TNFRSF11A: variants seen among roughly 807,000 people sequenced by gnomAD.
TNFRSF11A encodes TNF receptor superfamily member 11a.
A neutral mutation model predicts 55.7 loss-of-function variants in TNFRSF11A; 32 were observed. The observed-to-expected ratio is 0.57, with a 90% CI of 0.43 to 0.77. The LOEUF is 0.77. Ranked by LOEUF, TNFRSF11A falls within the 30% of genes least tolerant of loss-of-function variation. TNFRSF11A has a pLI of 0.00. For synonymous variants in TNFRSF11A, 311 were observed against 331.0 expected, an observed-to-expected ratio of 0.94 and a Z score of 0.65; for missense variants, 753 against 809.8, an observed-to-expected ratio of 0.93 and a Z score of 0.85.
intron 5 of TNFRSF11A, among the ~76,000 whole-genome samples, chr18:62,358,764 GT>G (rs1028694568): frequency 1.3e-5 from 2 of 151,766 alleles, no homozygotes; most frequent in Non-Finnish European, 2.9e-5. Flanking sequence ...ACATCGTGGG[GT>G]TTTTTTTCAC....
intron 3 of TNFRSF11A, among the ~76,000 whole-genome samples, chr18:62,350,868 T>C (rs74933726): frequency 0.022 from 3,368 of 152,188 alleles, 119 homozygotes; most frequent in African/African-American, 0.076. Flanking sequence ...CTTCTTTCCT[T>C]TTTCCATTGA....
At chr18:62,371,121 C>T (rs375245717) in intron 9 of TNFRSF11A, among the ~76,000 whole-genome samples, 1 of 152,230 alleles carries the variant, frequency 6.6e-6, no homozygotes, top group South Asian at 2.1e-4. Context: ...TGAGCCACTG[C>T]ACCTGGCCTG....
At chr18:62,345,640 G>A (rs1270984535) in intron 1 of TNFRSF11A, among the ~76,000 whole-genome samples, 1 of 152,138 alleles carries the variant, frequency 6.6e-6, no homozygotes, top group Non-Finnish European at 1.5e-5. Context: ...AGATAGCCGC[G>A]ATGGTTGTTC....
chr18:62,385,205 A>G lies in TNFRSF11A; in HGVS notation c.*171A>G. 1.3e-6 allele frequency: 1 copy of G among 745,498 alleles called. No individual in the cohort carries two copies. Among genetic ancestry groups the G allele is most frequent in the East Asian group, 3.5e-5 (1 of 28,882 alleles). The allele number at this position is 745,498 out of a possible 1,614,324, so 46.2% of individuals were successfully genotyped here. A position where few individuals can be genotyped will look rare whatever the true frequency, so the allele number is the denominator to read the frequency against. On this transcript the variant is annotated 3_prime_UTR_variant, in exon 10 of 10. Coordinates refer to ENST00000586569, the MANE Select transcript of TNFRSF11A (RefSeq NM_003839.4). ...AGGAAATGGGCTTTTCAGGAAGTGAATTGATGAGGACTGTCCCCATGCCCA... is the reference window on the plus strand; with the variant it reads ...AGGAAATGGGCTTTTCAGGAAGTGAGTTGATGAGGACTGTCCCCATGCCCA...
rs1404097935 is a variant in TNFRSF11A at position 62,385,754 on chromosome 18, TG to T, written c.*723del. On this transcript the variant is annotated 3_prime_UTR_variant, in exon 10 of 10. Coordinates refer to ENST00000586569, the MANE Select transcript of TNFRSF11A (RefSeq NM_003839.4). Reference sequence around the variant, plus strand: ...CTCCAGCCTCGGCCTCCCAAAGTACTGGGATTACAGGCGTGAGCCCCCACGC... The same window carrying T: ...CTCCAGCCTCGGCCTCCCAAAGTACTGGATTACAGGCGTGAGCCCCCACGC... 3 of 150,172 alleles carry T rather than the reference TG, an allele frequency of 2.0e-5. No homozygotes were observed. The highest frequency in any genetic ancestry group is 4.2e-4 in the South Asian group (2 of 4,748). 9.3% of individuals were successfully genotyped at this position (150,172 alleles called of 1,614,324 possible). A position where few individuals can be genotyped will look rare whatever the true frequency, so the allele number is the denominator to read the frequency against.
Position 62,361,783 on chromosome 18 carries a change from A to G in TNFRSF11A, c.720A>G (p.Lys240=), listed in dbSNP as rs2145331904. The change falls in exon 7 of 10, where the codon AAA becomes AAG. Residue 240 remains lysine, a synonymous_variant. Transcript: ENST00000586569. The stretch of plus-strand genomic sequence containing the variant: ...GCGTTTGCTATAGGAAAAAAGGGAA[A>G]GCACTCACAGGTATTGTGTCTATGG... The part of the protein sequence containing the change: ...IFGVCYRKKG[K]ALTANLWHWI... 1 of 1,613,942 alleles carries G rather than the reference A, an allele frequency of 6.2e-7. No homozygotes were observed. Among genetic ancestry groups the G allele is most frequent in the Non-Finnish European group, 8.5e-7 (1 of 1,179,820 alleles).
chr18:62,354,097 A>G (rs1909048443), intron 3 of TNFRSF11A, among the ~76,000 whole-genome samples: 1 of 152,318 alleles, frequency 6.6e-6, no homozygotes, highest in Middle Eastern at 3.4e-3. Context: ...ACATTCAATG[A>G]TCATCAATTC....
Position 62,354,531 on chromosome 18 carries a change from C to T in TNFRSF11A, c.424C>T (p.Pro142Ser), listed in dbSNP as rs1909102266. The part of the protein sequence containing the change: ...ECAPGLGAQH[P>S]LQLNKDTVCK... ...CGCGCCGGGCCTGGGCGCCCAGCAC[C>T]CGTGTACGGGTTGGATGTGTGCGTC... Residue 142 changes from proline (P) to serine (S), a missense_variant, in exon 4 of 10, where the codon CCG (proline) becomes TCG (serine). By Grantham distance (74) the Pro-to-Ser change is moderately conservative (BLOSUM62 -1). Transcript: ENST00000586569. 1.9e-6 allele frequency: 3 copies of T among 1,602,784 alleles called. No individual in the cohort carries two copies. Among genetic ancestry groups the T allele is most frequent in the South Asian group, 1.1e-5 (1 of 91,028 alleles).
Position 62,354,488 on chromosome 18 carries a change from C to T in TNFRSF11A, c.381C>T (p.Cys127=), listed in dbSNP as rs1178240748. The T allele has an allele frequency of 1.9e-6, 3 of 1,602,088 alleles. No homozygotes were observed. The highest frequency in any genetic ancestry group is 2.2e-5 in the East Asian group (1 of 44,856). ...ACTGGAGCCAGGACTGCGAGTGCTG[C>T]CGCCGCAACACCGAGTGCGCGCCGG... The part of the protein sequence containing the change: ...GYHWSQDCEC[C]RRNTECAPGL... Residue 127 remains cysteine (C), a synonymous_variant, in exon 4 of 10, where the codon TGC becomes TGT. Transcript: ENST00000586569.
chr18:62,344,665 A>G (rs900492600), intron 1 of TNFRSF11A, among the ~76,000 whole-genome samples: 1 of 152,250 alleles, frequency 6.6e-6, no homozygotes, highest in Admixed American at 6.5e-5. Context: ...AGGGAAAGGC[A>G]GAAGCCTAGA....
intron 9 of TNFRSF11A, among the ~76,000 whole-genome samples, chr18:62,374,975 G>A (rs910069991): frequency 6.6e-6 from 1 of 151,754 alleles, no homozygotes; most frequent in Non-Finnish European, 1.5e-5. Context: ...CACGATCTTG[G>A]CTCATTGCAG....
chr18:62,330,096 T>C (rs2046129907), intron 1 of TNFRSF11A, among the ~76,000 whole-genome samples: 1 of 152,182 alleles, frequency 6.6e-6, no homozygotes, highest in Non-Finnish European at 1.5e-5. Context: ...CTGCAACAAA[T>C]GGAGTACCCA....
intron 6 of TNFRSF11A, among the ~76,000 whole-genome samples, chr18:62,361,033 A>G (rs1291670383): frequency 2.0e-5 from 3 of 152,212 alleles, no homozygotes; most frequent in Non-Finnish European, 4.4e-5. Context: ...AACTTTTTTA[A>G]AGACCATTTG....
chr18:62,374,258 T>C (rs1300195303), intron 9 of TNFRSF11A: 2 of 152,214 alleles, frequency 1.3e-5, no homozygotes, highest in Non-Finnish European at 2.9e-5. Flanking sequence ...GGGCTCATTT[T>C]GGAAGGCTTT....
At chr18:62,338,795 G>T (rs1029115692) in intron 1 of TNFRSF11A, among the ~76,000 whole-genome samples, 2 of 150,120 alleles carry the variant, frequency 1.3e-5, no homozygotes, top group African/African-American at 4.8e-5. Flanking sequence ...TGGTTAAAAT[G>T]GCAAATTTTG....
At chr18:62,350,644 C>T (rs185182218) in intron 3 of TNFRSF11A, among the ~76,000 whole-genome samples, 1 of 152,154 alleles carries the variant, frequency 6.6e-6, no homozygotes, top group Non-Finnish European at 1.5e-5. Flanking sequence ...AATAACTTCT[C>T]CAAGGTTAAC....
chr18:62,334,324 A>G (rs369083614), intron 1 of TNFRSF11A, among the ~76,000 whole-genome samples: 2 of 152,152 alleles, frequency 1.3e-5, no homozygotes, highest in African/African-American at 4.8e-5. Flanking sequence ...CACTTCCTGA[A>G]GCCAAGGCAG....
chr18:62,351,027 G>C (rs1350165274), intron 3 of TNFRSF11A, among the ~76,000 whole-genome samples: 1 of 136,612 alleles, frequency 7.3e-6, no homozygotes, highest in Non-Finnish European at 1.6e-5. Context: ...TTTTGAGATG[G>C]AGTCTTGCTC....
intron 8 of TNFRSF11A, among the ~76,000 whole-genome samples, chr18:62,368,204 A>G (rs1910241410): frequency 6.6e-6 from 1 of 152,038 alleles, no homozygotes; most frequent in Non-Finnish European, 1.5e-5. Flanking sequence ...TCCCTTTCCC[A>G]TATTTGAATC....
Sources: gnomAD v4.1 joint callset for allele counts (sites outside exome capture counted in the v4.1 genomes callset) on GRCh38, gnomAD v4.1.1 for gene constraint, MANE v1.5 for transcripts, NCBI Gene and HGNC (gene_info 2026-07-23, HGNC 2026-07-21) for gene names.